The following WLS variants were observed in gnomAD, a reference collection of about 807,000 sequenced individuals.
The protein encoded by WLS is protein wntless homolog.
In WLS, 23 loss-of-function variants were observed where a neutral mutation model predicts 62.8. The observed-to-expected ratio is 0.37, with a 90% confidence interval of 0.26 to 0.52. WLS has a LOEUF of 0.52. Ranked by LOEUF, WLS falls within the 20% of genes least tolerant of loss-of-function variation. The pLI, the probability that WLS is intolerant of heterozygous loss-of-function variation, is 0.92. For synonymous variants in WLS, 246 were observed against 244.1 expected, an observed-to-expected ratio of 1.01 and a Z score of -0.07; for missense variants, 615 against 697.3, an observed-to-expected ratio of 0.88 and a Z score of 1.33.
intron 2 of WLS, among the ~76,000 whole-genome samples, chr1:68,169,178 A>G (rs1647109105): frequency 6.6e-6 from 1 of 152,188 alleles, no homozygotes; most frequent in Non-Finnish European, 1.5e-5. Context: ...ATGCATTATC[A>G]TCTGGTTGAA....
intron 1 of WLS, among the ~76,000 whole-genome samples, chr1:68,197,496 T>C (rs1648737014): frequency 6.6e-6 from 1 of 152,182 alleles, no homozygotes; most frequent in Admixed American, 6.5e-5. Flanking sequence ...TAATTCAACA[T>C]TTTCCGTTTT....
In WLS at chr1:68,148,608, A is replaced by G. The variant is rs765990145; in HGVS notation, c.1025T>C (p.Ile342Thr). 10 of 1,614,112 alleles carry G rather than the reference A, an allele frequency of 6.2e-6. No homozygotes were observed. Among genetic ancestry groups the G allele is most frequent in the South Asian group, 5.5e-5 (5 of 91,068 alleles). ...GAAGAGGCAGAAGGAGCCAACGGCA[A>G]TGGGTCCGACTTGCTTCCAATACCC... The part of the protein sequence containing the change: ...IAGYWKQVGP[I>T]AVGSFCLFIF... Residue 342 changes from isoleucine to threonine, a missense_variant, in exon 7 of 12, where the codon ATT (isoleucine) becomes ACT (threonine). Transcript: ENST00000262348.
rs145583134 is a variant in WLS, at chr1:68,100,936, G to A, written c.1511-2183C>T. On this transcript the variant is annotated intron_variant, in intron 11 of 11. Coordinates refer to the WLS transcript ENST00000354777. ...CATGCATGTTTGCTTTACTATGTAT[G>A]CGAGCATCCCCCACTTCCTAAATAT... Among the ~76,000 whole-genome samples, 499 of 152,280 alleles carry A rather than the reference G, an allele frequency of 3.3e-3. 4 individuals are homozygous for A. The highest frequency in any genetic ancestry group is 0.011 in the African/African-American group (469 of 41,552).
At chr1:68,155,064 C>A in intron 4 of WLS, 35 bp downstream of exon 4, 1 of 1,603,012 alleles carries the variant, frequency 6.2e-7, no homozygotes, top group South Asian at 1.1e-5. Context: ...AGTTCCCCTC[C>A]AATACACATG....
chr1:68,127,462 G>A (rs1646450583), intron 11 of WLS, among the ~76,000 whole-genome samples: 17 of 152,072 alleles, frequency 1.1e-4, no homozygotes, highest in Admixed American at 1.1e-3. Flanking sequence ...ATTAGTAGGA[G>A]AAAAAAATTT....
intron 1 of WLS, among the ~76,000 whole-genome samples, chr1:68,199,519 T>G (rs964122792): frequency 6.6e-6 from 1 of 152,290 alleles, no homozygotes; most frequent in East Asian, 1.9e-4. Flanking sequence ...ATAGAATATC[T>G]AAAACAATCA....
intron 3 of WLS, among the ~76,000 whole-genome samples, 158 bp downstream of exon 3, chr1:68,158,965 G>A (rs1248141795): frequency 3.9e-5 from 6 of 152,172 alleles, no homozygotes; most frequent in Non-Finnish European, 4.4e-5. Context: ...GGAAAGGCCC[G>A]TGGCAGGAGA....
At chr1:68,195,247 C>T (rs1362815002) in intron 1 of WLS, among the ~76,000 whole-genome samples, 1 of 152,204 alleles carries the variant, frequency 6.6e-6, no homozygotes, top group Admixed American at 6.5e-5. Flanking sequence ...GGCGACCTGT[C>T]TGGTGTCAAA....
intron 11 of WLS, among the ~76,000 whole-genome samples, chr1:68,105,125 T>C (rs1205931874): frequency 1.3e-5 from 2 of 152,340 alleles, no homozygotes; most frequent in African/African-American, 4.8e-5. Context: ...TAATGTCTAT[T>C]CTCTTTTCCA....
intron 2 of WLS, among the ~76,000 whole-genome samples, chr1:68,185,291 G>A (rs1647859329): frequency 6.6e-6 from 1 of 152,128 alleles, no homozygotes; most frequent in Non-Finnish European, 1.5e-5. Context: ...TGCTACAGAG[G>A]CTCACAGAAC....
intron 1 of WLS, among the ~76,000 whole-genome samples, chr1:68,218,250 TTTTC>T (rs1264261825): frequency 6.6e-5 from 10 of 152,298 alleles, no homozygotes; most frequent in Middle Eastern, 3.4e-3. Flanking sequence ...TTTTTTTCTT[TTTTC>T]TTTGTTTTTA....
intron 6 of WLS, among the ~76,000 whole-genome samples, chr1:68,149,778 G>A (rs1646801514): frequency 6.6e-6 from 1 of 152,176 alleles, no homozygotes; most frequent in African/African-American, 2.4e-5. Flanking sequence ...TGGTTAACCT[G>A]TATTCCTGGG....
intron 11 of WLS, among the ~76,000 whole-genome samples, chr1:68,116,625 T>G (rs886964250): frequency 9.2e-5 from 14 of 152,208 alleles, no homozygotes; most frequent in African/African-American, 3.4e-4. Flanking sequence ...AAATCCTACC[T>G]GGCACATCCA....
chr1:68,098,792 C>A (rs148592645), intron 11 of WLS: 35 of 1,593,704 alleles, frequency 2.2e-5, no homozygotes, highest in African/African-American at 4.1e-5. Flanking sequence ...TGCAAAATAT[C>A]CTTTTAAAAA....
At chr1:68,104,293 A>T (rs1646116527) in intron 11 of WLS, among the ~76,000 whole-genome samples, 1 of 152,142 alleles carries the variant, frequency 6.6e-6, no homozygotes, top group Non-Finnish European at 1.5e-5. Context: ...CATCACTACC[A>T]TTATCGGTGG....
intron 2 of WLS, among the ~76,000 whole-genome samples, chr1:68,164,177 C>CAA (rs1414304309): frequency 6.6e-6 from 1 of 151,840 alleles, no homozygotes; most frequent in Admixed American, 6.6e-5. Context: ...AAAATAAAGA[C>CAA]AAAGACAGTA....
intron 2 of WLS, among the ~76,000 whole-genome samples, chr1:68,184,138 T>A (rs1345053830): frequency 6.6e-6 from 1 of 152,206 alleles, no homozygotes; most frequent in African/African-American, 2.4e-5. Context: ...CAGCTATCCA[T>A]CTTGAGGCTT....
At chr1:68,124,123 C>T (rs1015892497), downstream of WLS, among the ~76,000 whole-genome samples, 2 of 152,210 alleles carry the variant, frequency 1.3e-5, no homozygotes, top group Admixed American at 1.3e-4. Flanking sequence ...ACATCCAGAA[C>T]ATTCAAACCT....
chr1:68,127,152 A>G (rs1311392908), intron 11 of WLS: 5 of 362,526 alleles, frequency 1.4e-5, no homozygotes, highest in Non-Finnish European at 2.8e-5. Flanking sequence ...CTATGATTGC[A>G]CCACTCACTC....
Sources: allele counts gnomAD v4.1 joint callset (sites outside exome capture counted in the v4.1 genomes callset), GRCh38; gene constraint gnomAD v4.1.1; transcripts MANE v1.5; gene names NCBI Gene and HGNC (gene_info 2026-07-23, HGNC 2026-07-21).